Variants in RUNX1T1 observed in about 807,000 individuals in gnomAD.
The protein encoded by RUNX1T1 is protein CBFA2T1.
RUNX1T1 carries 4 observed loss-of-function variants against 62.8 expected under a neutral mutation model. That is an observed-to-expected ratio of 0.06 (90% CI 0.03 to 0.15). The LOEUF is 0.15. RUNX1T1 is among the 10% of genes least tolerant of loss of function. The pLI is 1.00. For synonymous variants in RUNX1T1, 291 were observed against 286.0 expected (o/e 1.02, Z -0.18); for missense variants, 508 against 754.3 (o/e 0.67, Z 3.82).
intron 2 of RUNX1T1, among the ~76,000 whole-genome samples, chr8:92,073,666 A>C (rs1214765645): frequency 2.6e-5 from 4 of 151,824 alleles, no homozygotes; most frequent in Non-Finnish European, 5.9e-5. Flanking sequence ...ACAAAGAGGA[A>C]AAAAAAATTA....
intron 9 of RUNX1T1, among the ~76,000 whole-genome samples, chr8:91,973,139 CTG>C (rs1813205622): frequency 6.6e-6 from 1 of 151,876 alleles, no homozygotes; most frequent in Admixed American, 6.6e-5. Flanking sequence ...GATTTGGTAA[CTG>C]TACTGAAGTT....
At chr8:91,963,293 AAAC>A (rs1563607373) in intron 10 of RUNX1T1, among the ~76,000 whole-genome samples, 2 of 152,296 alleles carry the variant, frequency 1.3e-5, no homozygotes, top group South Asian at 4.1e-4. Flanking sequence ...ACAAAAGAAA[AAAC>A]AACCTTCAGC....
intron 1 of RUNX1T1, among the ~76,000 whole-genome samples, chr8:92,036,731 C>T (rs1215782816): frequency 1.3e-5 from 2 of 152,206 alleles, no homozygotes; most frequent in Admixed American, 6.5e-5. Flanking sequence ...CAAGAAAACA[C>T]TAGATTTTGC....
At chr8:92,051,002 A>G (rs1211531560) in intron 1 of RUNX1T1, among the ~76,000 whole-genome samples, 1 of 152,194 alleles carries the variant, frequency 6.6e-6, no homozygotes, top group East Asian at 1.9e-4. Context: ...ACCTATTTAA[A>G]GGTGTCTTCC....
exon 5 of RUNX1T1, chr8:92,005,194 G>A (rs1820513888): frequency 6.2e-7 from 1 of 1,614,034 alleles, no homozygotes; most frequent in Non-Finnish European, 8.5e-7. Flanking sequence ...GGTGGTGCTG[G>A]CATCCAGAAG....
At chr8:92,003,270 A>AT (rs1820105365) in intron 5 of RUNX1T1, 1 of 433,354 alleles carries the variant, frequency 2.3e-6, no homozygotes. Context: ...TGAAGTTTTC[A>AT]TATCAGTGTT....
chr8:91,958,556 G>C, downstream of RUNX1T1: 1 of 183,792 alleles, frequency 5.4e-6, no homozygotes, highest in Non-Finnish European at 1.1e-5. Context: ...CGACCTTACA[G>C]CAATATGCAT....
At chr8:92,041,962 G>A (rs1828553314) in intron 1 of RUNX1T1, among the ~76,000 whole-genome samples, 1 of 151,600 alleles carries the variant, frequency 6.6e-6, no homozygotes, top group South Asian at 2.1e-4. Flanking sequence ...GGGATTACAG[G>A]CAACCACCAC....
chr8:92,082,190 T>A (rs534850882), intron 1 of RUNX1T1, among the ~76,000 whole-genome samples: 1 of 152,248 alleles, frequency 6.6e-6, no homozygotes, highest in South Asian at 2.1e-4. Context: ...TGGCCTAAGT[T>A]GTGGTATTTT....
chr8:91,963,555 T>A (rs1810984318), intron 10 of RUNX1T1, among the ~76,000 whole-genome samples: 1 of 152,210 alleles, frequency 6.6e-6, no homozygotes, highest in African/African-American at 2.4e-5. Context: ...CCTGCAAGAC[T>A]GATGCCTGAT....
chr8:92,079,855 T>A (rs116087313), intron 1 of RUNX1T1, among the ~76,000 whole-genome samples: 1 of 152,222 alleles, frequency 6.6e-6, no homozygotes, highest in African/African-American at 2.4e-5. Context: ...GTTCACTGAC[T>A]TCACGGCCCT....
At chr8:92,026,776 C>T (rs942589397) in intron 1 of RUNX1T1, among the ~76,000 whole-genome samples, 4 of 150,938 alleles carry the variant, frequency 2.7e-5, no homozygotes, top group Non-Finnish European at 5.9e-5. Context: ...TAGCCAAGAT[C>T]GTGCCACTGC....
At chr8:92,057,384 G>A (rs1831209869) in intron 1 of RUNX1T1, among the ~76,000 whole-genome samples, 1 of 152,174 alleles carries the variant, frequency 6.6e-6, no homozygotes, top group Non-Finnish European at 1.5e-5. Context: ...CTTTACCTAT[G>A]TCCTTGGGCA....
At chr8:92,095,752 G>C (rs951280340) in intron 1 of RUNX1T1, 31 of 429,230 alleles carry the variant, frequency 7.2e-5, no homozygotes, top group Non-Finnish European at 5.9e-5. Context: ...CTACCCTAAG[G>C]CTATCTGGGA....
At chr8:92,090,626 TG>T (rs1392855787) in intron 1 of RUNX1T1, among the ~76,000 whole-genome samples, 1 of 152,018 alleles carries the variant, frequency 6.6e-6, no homozygotes, top group Non-Finnish European at 1.5e-5. Context: ...GATTCCTAAG[TG>T]GGGGTGAAGA....
chr8:92,101,757 A>T (rs988995484), upstream of RUNX1T1, among the ~76,000 whole-genome samples: 1 of 152,198 alleles, frequency 6.6e-6, no homozygotes, highest in African/African-American at 2.4e-5. Flanking sequence ...AATAAAAAAT[A>T]GCACGTTTCA....
At chr8:91,964,255 C>A (rs1426303656) in intron 10 of RUNX1T1, among the ~76,000 whole-genome samples, 1 of 152,172 alleles carries the variant, frequency 6.6e-6, no homozygotes, top group Admixed American at 6.5e-5. Flanking sequence ...TTCTGTCGTA[C>A]AGGCATATAT....
intron 8 of RUNX1T1, 29 bp downstream of exon 9, chr8:91,986,095 T>C (rs1305635677): frequency 3.4e-6 from 5 of 1,462,212 alleles, no homozygotes; most frequent in Non-Finnish European, 4.8e-6. Context: ...AATATGTGTT[T>C]TCGAGATACT....
chr8:91,987,007 C>T (rs1239665647), intron 6 of RUNX1T1, 35 bp from the exon 8 acceptor site: 31 of 1,330,154 alleles, frequency 2.3e-5, no homozygotes, highest in Non-Finnish European at 2.9e-5. Flanking sequence ...AACCCTAAAG[C>T]ATTCAGTACA....
Sources: gnomAD v4.1 joint callset for allele counts (sites outside exome capture counted in the v4.1 genomes callset) on GRCh38, gnomAD v4.1.1 for gene constraint, MANE v1.5 for transcripts, NCBI Gene and HGNC (gene_info 2026-07-23, HGNC 2026-07-21) for gene names.